The following EYS variants were observed in gnomAD, a reference collection of about 807,000 sequenced individuals.
The protein encoded by EYS is protein eyes shut homolog.
In EYS, 250 loss-of-function variants were observed where a neutral mutation model predicts 282.1. The ratio of observed to expected loss-of-function variants is 0.89; its 90% CI spans 0.80 to 0.98. EYS has a LOEUF of 0.98. Ranked by LOEUF, EYS falls within the 50% of genes least tolerant of loss-of-function variation. The probability of loss-of-function intolerance (pLI) is 0.00; values close to 1 mark genes in which losing one functional copy is unlikely to be tolerated. For missense variants in EYS, 4,016 were observed against 3,709.0 expected, an observed-to-expected ratio of 1.08 and a Z score of -2.15; for synonymous variants, 1,355 against 1,282.9, an observed-to-expected ratio of 1.06 and a Z score of -1.20.
intron 8 of EYS, among the ~76,000 whole-genome samples, chr6:65,375,307 G>T (rs535922828): frequency 3.3e-5 from 5 of 152,236 alleles, no homozygotes; most frequent in Non-Finnish European, 7.4e-5. Context: ...ACCATCAGAA[G>T]AAAAACCAAC....
chr6:65,546,500 G>T (rs1768393597), intron 2 of EYS, among the ~76,000 whole-genome samples: 1 of 152,000 alleles, frequency 6.6e-6, no homozygotes, highest in Admixed American at 6.6e-5. Flanking sequence ...ATGAGAATTT[G>T]ACTTACAAAG....
At chr6:64,072,103 T>TAATAATAAA (rs2149860229) in intron 32 of EYS, among the ~76,000 whole-genome samples, 2 of 152,040 alleles carry the variant, frequency 1.3e-5, no homozygotes, top group South Asian at 4.1e-4. Flanking sequence ...AAGTAATACA[T>TAATAATAAA]AATAATAAAA....
intron 28 of EYS, among the ~76,000 whole-genome samples, chr6:64,399,392 A>G (rs1773476993): frequency 1.3e-5 from 2 of 151,756 alleles, no homozygotes; most frequent in Non-Finnish European, 3.0e-5. Context: ...GGTTTTCACC[A>G]TTTTCTCTTA....
At chr6:64,526,968 C>T (rs111827218) in intron 26 of EYS, among the ~76,000 whole-genome samples, 1,567 of 151,718 alleles carry the variant, frequency 0.01, 29 homozygotes, top group African/African-American at 0.035. Flanking sequence ...ACCATCTATA[C>T]AAAACAGAGC....
intron 12 of EYS, among the ~76,000 whole-genome samples, chr6:65,117,406 G>T (rs1268676624): frequency 3.3e-5 from 5 of 152,146 alleles, no homozygotes; most frequent in Non-Finnish European, 7.3e-5. Context: ...CAGAGAAAAG[G>T]CATTGAAAGA....
intron 31 of EYS, among the ~76,000 whole-genome samples, chr6:64,117,500 CT>C (rs1329689404): frequency 6.6e-6 from 1 of 151,412 alleles, no homozygotes; most frequent in East Asian, 1.9e-4. Context: ...GAATATTCAA[CT>C]AACTAAAATC....
intron 36 of EYS, among the ~76,000 whole-genome samples, chr6:63,832,214 A>T (rs1412524960): frequency 1.3e-5 from 2 of 152,350 alleles, no homozygotes; most frequent in Non-Finnish European, 2.9e-5. Flanking sequence ...AATAACTAAG[A>T]TCAGAGCAGA....
At chr6:64,147,975 G>A (rs1582341283) in intron 31 of EYS, among the ~76,000 whole-genome samples, 1 of 152,126 alleles carries the variant, frequency 6.6e-6, no homozygotes, top group African/African-American at 2.4e-5. Flanking sequence ...AGACTAAACT[G>A]ACCGAGTGGC....
At chr6:64,561,321 C>G (rs1197125876) in intron 26 of EYS, among the ~76,000 whole-genome samples, 1 of 151,902 alleles carries the variant, frequency 6.6e-6, no homozygotes, top group Non-Finnish European at 1.5e-5. Context: ...AAAGTCCTAG[C>G]CAGAAAAATA....
intron 26 of EYS, among the ~76,000 whole-genome samples, chr6:64,567,727 A>T (rs2149815417): frequency 6.6e-6 from 1 of 152,336 alleles, no homozygotes; most frequent in South Asian, 2.1e-4. Flanking sequence ...ATTATAACAT[A>T]TGGTAAGAAT....
At chr6:64,916,064 CT>C (rs1409162132) in intron 15 of EYS, among the ~76,000 whole-genome samples, 1 of 151,982 alleles carries the variant, frequency 6.6e-6, no homozygotes, top group African/African-American at 2.4e-5. Context: ...GTAAATATAA[CT>C]ATTCAGTCAT....
chr6:65,368,184 G>A (rs754581286), intron 8 of EYS, among the ~76,000 whole-genome samples: 2 of 151,430 alleles, frequency 1.3e-5, no homozygotes, highest in African/African-American at 2.4e-5. Flanking sequence ...GGGGGTAACC[G>A]CCCCCATGAT....
chr6:64,854,405 T>C (rs1765986524), intron 19 of EYS, among the ~76,000 whole-genome samples: 1 of 152,042 alleles, frequency 6.6e-6, no homozygotes, highest in Non-Finnish European at 1.5e-5. Context: ...TGGAATACTA[T>C]GCAGCCATAA....
At chr6:64,084,917 C>G (rs576759425) in intron 31 of EYS, among the ~76,000 whole-genome samples, 1 of 152,144 alleles carries the variant, frequency 6.6e-6, no homozygotes, top group Non-Finnish European at 1.5e-5. Flanking sequence ...GGGTACATAT[C>G]TAGTCCGTGG....
chr6:64,298,666 A>G (rs1270644192), intron 30 of EYS, among the ~76,000 whole-genome samples: 4 of 152,162 alleles, frequency 2.6e-5, no homozygotes, highest in African/African-American at 9.6e-5. Flanking sequence ...TAGCAGAAGT[A>G]AATAGCTTCT....
At chr6:64,429,524 G>A (rs1465853977) in intron 28 of EYS, among the ~76,000 whole-genome samples, 5 of 152,226 alleles carry the variant, frequency 3.3e-5, no homozygotes, top group South Asian at 2.1e-4. Flanking sequence ...CCAGCTACTC[G>A]GGAGGCTGAG....
rs143689751 is a variant in EYS at position 64,564,020 on chromosome 6, T to C, written c.5644+26203A>G. The stretch of plus-strand genomic sequence containing the variant: ...TTCATCCTGCTTTCAAAAAAACAAA[T>C]GTCATATCTTAGCTATTGTGAATAA... On this transcript the variant is annotated intron_variant, in intron 26 of 42. Transcript: ENST00000503581. Among the ~76,000 whole-genome samples the C allele has an allele frequency of 3.6e-3, 544 of 151,972 alleles. 3 individuals are homozygous for C. The highest frequency in any genetic ancestry group is 6.0e-3 in the Non-Finnish European group (410 of 67,948).
chr6:64,757,807 C>A (rs920619667), intron 22 of EYS, among the ~76,000 whole-genome samples: 1 of 144,616 alleles, frequency 6.9e-6, no homozygotes, highest in Non-Finnish European at 1.5e-5. Context: ...TTGTTTGAGA[C>A]GGAGTCTCGC....
intron 35 of EYS, among the ~76,000 whole-genome samples, chr6:63,926,422 A>G (rs998466876): frequency 1.3e-5 from 2 of 152,232 alleles, no homozygotes; most frequent in African/African-American, 4.8e-5. Context: ...GTTAAACATT[A>G]ATACCACTTG....
Sources: allele counts gnomAD v4.1 joint callset (sites outside exome capture counted in the v4.1 genomes callset), GRCh38; gene constraint gnomAD v4.1.1; transcripts MANE v1.5; gene names NCBI Gene and HGNC (gene_info 2026-07-23, HGNC 2026-07-21).